Variants in SEMA3D observed in about 807,000 individuals in gnomAD.
SEMA3D encodes semaphorin 3D.
In SEMA3D, 84 loss-of-function variants were observed where a neutral mutation model predicts 100.1. That is an observed-to-expected ratio of 0.84 (90% CI 0.70 to 1.01). The LOEUF is 1.01. SEMA3D is among the 50% of genes least tolerant of loss of function. The pLI, the probability that SEMA3D is intolerant of heterozygous loss-of-function variation, is 0.00. For synonymous variants in SEMA3D, 312 were observed against 320.7 expected (o/e 0.97, Z 0.29); for missense variants, 875 against 934.1 (o/e 0.94, Z 0.82).
At chr7:85,183,676 G>A (rs1302011739) in intron 1 of SEMA3D, among the ~76,000 whole-genome samples, 2 of 152,174 alleles carry the variant, frequency 1.3e-5, no homozygotes, top group Non-Finnish European at 2.9e-5. Flanking sequence ...CTGGTGAAAG[G>A]CAAAAGAAAG....
At chr7:85,147,076 C>A (rs545260964) in intron 2 of SEMA3D, among the ~76,000 whole-genome samples, 148 of 82,954 alleles carry the variant, frequency 1.8e-3, no homozygotes, top group African/African-American at 6.4e-3. Context: ...ATCTTTCTTT[C>A]TTTTCTTTTT....
At chr7:85,175,874 T>A (rs1791209856) in intron 1 of SEMA3D, among the ~76,000 whole-genome samples, 1 of 152,056 alleles carries the variant, frequency 6.6e-6, no homozygotes, top group Non-Finnish European at 1.5e-5. Context: ...TTTTAAAATA[T>A]GTCAAGGATA....
At chr7:85,173,150 G>T (rs993591802) in intron 1 of SEMA3D, among the ~76,000 whole-genome samples, 1 of 151,912 alleles carries the variant, frequency 6.6e-6, no homozygotes, top group Non-Finnish European at 1.5e-5. Flanking sequence ...GAGACAGAGA[G>T]AGAAAAGGGA....
At chr7:85,094,278 A>G (rs1265471315) in intron 4 of SEMA3D, among the ~76,000 whole-genome samples, 1 of 152,016 alleles carries the variant, frequency 6.6e-6, no homozygotes. Flanking sequence ...AGTTCCTAAG[A>G]AAAACTGCCA....
At chr7:85,226,086 A>T in the SEMA3D span, among the ~76,000 whole-genome samples, 5 of 152,288 alleles carry the variant, frequency 3.3e-5, no homozygotes, top group Non-Finnish European at 5.9e-5. Context: ...ATATTTTTAA[A>T]CAAACACATT....
chr7:85,021,358 C>T (rs1790249653), intron 13 of SEMA3D, among the ~76,000 whole-genome samples: 1 of 151,722 alleles, frequency 6.6e-6, no homozygotes, highest in African/African-American at 2.4e-5. Flanking sequence ...ACAAATTAAG[C>T]GTCAAACTTG....
the SEMA3D span, among the ~76,000 whole-genome samples, chr7:85,242,933 A>C: frequency 1.3e-5 from 2 of 152,280 alleles, no homozygotes; most frequent in East Asian, 3.9e-4. Flanking sequence ...GAGAAAAGGA[A>C]CTGTGGTATA....
intron 3 of SEMA3D, among the ~76,000 whole-genome samples, chr7:85,108,659 C>A (rs1485807420): frequency 6.6e-6 from 1 of 151,954 alleles, no homozygotes; most frequent in Non-Finnish European, 1.5e-5. Context: ...TCTCAGCTTG[C>A]CTGCATTAAA....
rs1788612391 is a variant in SEMA3D, at chr7:85,097,862, T to G, written c.255A>C (p.Gly85=). 6.2e-7 allele frequency: 1 copy of G among 1,609,388 alleles called. No homozygotes were observed. Among genetic ancestry groups the G allele is most frequent in the Non-Finnish European group, 8.5e-7 (1 of 1,176,716 alleles). ...LDEERGRLLL[G]AKDHIFLLSL... ...TGAGTAGAAAGATGTGGTCTTTGGC[T>G]CCCAAGAGCAGCCTGCCTCTTTCCT... The change falls in exon 4 of 19, where the codon GGA becomes GGC. Residue 85 remains glycine (G), a synonymous_variant. Transcript: ENST00000284136.
In SEMA3D at chr7:84,998,858, C is replaced by G. The variant is rs750272456; in HGVS notation, c.*582G>C. 5.2e-5 allele frequency: 8 copies of G among 153,612 alleles called. No homozygotes were observed. Among genetic ancestry groups the G allele is most frequent in the Admixed American group, 1.3e-4 (2 of 15,552 alleles). 9.5% of individuals were successfully genotyped at this position (153,612 alleles called of 1,614,324 possible). ...TTCAGTAAATCAATGTTGTAGTACA[C>G]TAAATTTAACCCCAGTGGCCAGAAA... is the stretch of plus-strand genomic sequence containing the variant. On this transcript the variant is annotated 3_prime_UTR_variant, in exon 19 of 19. Transcript: ENST00000284136.
In SEMA3D at chr7:85,092,467, T is replaced by C. The variant is rs186558809; in HGVS notation, c.312+5338A>G. ...ATTCAAAGTGTAGTCACTTATAAAG[T>C]ATCCCAAGTTTTATTTCTATAATGC... On this transcript the variant is annotated intron_variant, in intron 4 of 18. Transcript: ENST00000284136. 1.4e-3 allele frequency among the ~76,000 whole-genome samples: 215 copies of C among 152,110 alleles called. 1 individual carries two copies. Among genetic ancestry groups the C allele is most frequent in the African/African-American group, 5.0e-3 (206 of 41,534 alleles).
chr7:85,126,274 C>T (rs1789561560), intron 2 of SEMA3D, among the ~76,000 whole-genome samples: 2 of 151,886 alleles, frequency 1.3e-5, no homozygotes, highest in Admixed American at 6.6e-5. Flanking sequence ...GGATCAGGTA[C>T]TATTAATGTG....
intron 2 of SEMA3D, among the ~76,000 whole-genome samples, chr7:85,131,711 T>A (rs1455374965): frequency 6.6e-6 from 1 of 151,882 alleles, no homozygotes; most frequent in Non-Finnish European, 1.5e-5. Context: ...AGTATAACAA[T>A]AATGTATGTC....
chr7:85,068,144 T>C (rs554792802), intron 7 of SEMA3D, 47 bp downstream of exon 7: 1 of 1,101,380 alleles, frequency 9.1e-7, no homozygotes, highest in South Asian at 1.3e-5. Flanking sequence ...AAAAAATAAC[T>C]CTTAGAAAAC....
chr7:85,135,979 A>G (rs62462188), intron 2 of SEMA3D, among the ~76,000 whole-genome samples: 1 of 151,736 alleles, frequency 6.6e-6, no homozygotes, highest in Non-Finnish European at 1.5e-5. Flanking sequence ...TCCCACATTT[A>G]TAGAAAATTC....
At chr7:85,076,167 A>G (rs1791916307) in intron 5 of SEMA3D, among the ~76,000 whole-genome samples, 1 of 152,160 alleles carries the variant, frequency 6.6e-6, no homozygotes, top group African/African-American at 2.4e-5. Flanking sequence ...AACTTAGGAC[A>G]AGTATTGAAT....
intron 3 of SEMA3D, among the ~76,000 whole-genome samples, chr7:85,119,782 C>T (rs1264453355): frequency 2.0e-5 from 3 of 152,138 alleles, no homozygotes; most frequent in Non-Finnish European, 1.5e-5. Flanking sequence ...AACAAAATTA[C>T]CCTTGCAGCA....
chr7:85,105,693 G>T (rs1191278219), intron 3 of SEMA3D, among the ~76,000 whole-genome samples: 2 of 151,996 alleles, frequency 1.3e-5, no homozygotes, highest in Admixed American at 1.3e-4. Context: ...AAATCAGAAA[G>T]AACACAAACA....
At chr7:85,237,515 A>T in the SEMA3D span, among the ~76,000 whole-genome samples, 1 of 152,178 alleles carries the variant, frequency 6.6e-6, no homozygotes, top group Non-Finnish European at 1.5e-5. Context: ...CCAGAATGTC[A>T]TATAGTTGAA....
Sources: gnomAD v4.1 joint callset for allele counts (sites outside exome capture counted in the v4.1 genomes callset) on GRCh38, gnomAD v4.1.1 for gene constraint, MANE v1.5 for transcripts, NCBI Gene and HGNC (gene_info 2026-07-23, HGNC 2026-07-21) for gene names.